SNX29: variants seen among roughly 807,000 people sequenced by gnomAD.
SNX29 encodes sorting nexin-29.
Under a neutral mutation model 102.1 loss-of-function variants are expected in SNX29, and 78 were observed. The ratio of observed to expected loss-of-function variants is 0.76; its 90% CI spans 0.64 to 0.92. The LOEUF (loss-of-function observed/expected upper bound fraction) is 0.92, where lower values mean the gene tolerates loss of function less well. SNX29 is among the 40% of genes least tolerant of loss of function. The pLI is 0.00. For missense variants in SNX29, 1,280 were observed against 1,061.7 expected (o/e 1.21, Z -2.86); for synonymous variants, 580 against 414.5 (o/e 1.40, Z -4.85).
chr16:12,554,129 G>A (rs936517366), intron 20 of SNX29, among the ~76,000 whole-genome samples: 11 of 152,182 alleles, frequency 7.2e-5, no homozygotes, highest in South Asian at 2.1e-4. Flanking sequence ...TGCCCAGCCT[G>A]GATGCTTTGC....
intron 14 of SNX29, among the ~76,000 whole-genome samples, chr16:12,272,197 G>T (rs1186310842): frequency 3.3e-5 from 5 of 152,330 alleles, no homozygotes; most frequent in African/African-American, 1.2e-4. Context: ...GAAGGTTGCT[G>T]ATTCTTCTTA....
At chr16:12,015,874 A>AT (rs557455935) in intron 3 of SNX29, among the ~76,000 whole-genome samples, 201 of 144,846 alleles carry the variant, frequency 1.4e-3, no homozygotes, top group African/African-American at 4.4e-3. Flanking sequence ...TTATTTATTT[A>AT]TTTTTTTTGG....
At chr16:12,113,448 G>C (rs1267500387) in intron 11 of SNX29, among the ~76,000 whole-genome samples, 1 of 152,136 alleles carries the variant, frequency 6.6e-6, no homozygotes, top group African/African-American at 2.4e-5. Context: ...GAGTAGGATG[G>C]TGCAGAGTTG....
Position 12,568,556 on chromosome 16 carries a change from C to T in SNX29, c.2369C>T (p.Ser790Phe), listed in dbSNP as rs1240725991. Reference protein sequence around the residue: ...EPVNSRPKAASRFPKLSRGQP... With the variant: ...EPVNSRPKAAFRFPKLSRGQP... ...GTGAACAGCCGGCCCAAAGCAGCTT[C>T]CCGCTTCCCCAAACTGTCCCGGGGT... Residue 790 changes from serine to phenylalanine, a missense_variant, in exon 21 of 21, where the codon TCC becomes TTC. Coordinates refer to ENST00000566228, the MANE Select transcript of SNX29 (RefSeq NM_032167.5). 6.2e-7 allele frequency: 1 copy of T among 1,609,426 alleles called. No homozygotes were observed. Among genetic ancestry groups the T allele is most frequent in the Non-Finnish European group, 8.5e-7 (1 of 1,179,840 alleles).
At chr16:12,499,924 G>T (rs1002415704) in intron 19 of SNX29, among the ~76,000 whole-genome samples, 1 of 152,046 alleles carries the variant, frequency 6.6e-6, no homozygotes, top group East Asian at 1.9e-4. Flanking sequence ...GGATCCACCT[G>T]CCTCAGTCTC....
chr16:12,435,590 C>G (rs1276863274), intron 18 of SNX29, among the ~76,000 whole-genome samples: 1 of 152,166 alleles, frequency 6.6e-6, no homozygotes, highest in Non-Finnish European at 1.5e-5. Context: ...TAGAAAACAC[C>G]AGAGGACGCA....
At chr16:12,152,473 G>C (rs2055342065) in intron 13 of SNX29, among the ~76,000 whole-genome samples, 1 of 152,202 alleles carries the variant, frequency 6.6e-6, no homozygotes, top group South Asian at 2.1e-4. Context: ...CCTGGGCTTT[G>C]CATTGGGGTC....
chr16:12,321,691 G>T (rs1367622361), intron 15 of SNX29, among the ~76,000 whole-genome samples: 1 of 152,210 alleles, frequency 6.6e-6, no homozygotes, highest in African/African-American at 2.4e-5. Flanking sequence ...CCTCCAACCA[G>T]CCTGTGGATA....
intron 20 of SNX29, among the ~76,000 whole-genome samples, chr16:12,551,914 T>A (rs6416654): frequency 0.59 from 90,030 of 152,034 alleles, 30,244 homozygotes; most frequent in East Asian, 0.99. Flanking sequence ...CTCTATACCC[T>A]ACCACACAGA....
At chr16:12,380,665 C>T (rs111209266) in intron 16 of SNX29, among the ~76,000 whole-genome samples, 10 of 80,386 alleles carry the variant, frequency 1.2e-4, no homozygotes, top group East Asian at 3.6e-4. Flanking sequence ...CATCCACCCA[C>T]CCACCATCCA....
At chr16:12,239,677 G>T (rs1036510195) in intron 14 of SNX29, among the ~76,000 whole-genome samples, 1 of 146,148 alleles carries the variant, frequency 6.8e-6, no homozygotes, top group Non-Finnish European at 1.5e-5. Flanking sequence ...AAATTAGTCC[G>T]GTGTGGTGAT....
intron 20 of SNX29, among the ~76,000 whole-genome samples, chr16:12,562,512 T>C (rs547704120): frequency 9.8e-5 from 15 of 152,298 alleles, no homozygotes; most frequent in African/African-American, 2.6e-4. Flanking sequence ...GCAGCCCAAG[T>C]ACACCTGCTG....
chr16:12,247,004 CAGAGAGTGAGGGGAGCA>C (rs1169205446), intron 14 of SNX29, among the ~76,000 whole-genome samples: 1 of 152,142 alleles, frequency 6.6e-6, no homozygotes, highest in Non-Finnish European at 1.5e-5. Context: ...TGCTAGAACT[CAGAGAGTGAGGGGAGCA>C]GGGCCTTGTA....
At chr16:12,337,884 C>T (rs967565310) in intron 15 of SNX29, among the ~76,000 whole-genome samples, 1 of 152,140 alleles carries the variant, frequency 6.6e-6, no homozygotes, top group East Asian at 1.9e-4. Flanking sequence ...AAGAAGAAAA[C>T]AGGTTGCAAG....
At chr16:12,535,484 T>G (rs549485265) in intron 20 of SNX29, among the ~76,000 whole-genome samples, 1 of 152,144 alleles carries the variant, frequency 6.6e-6, no homozygotes, top group East Asian at 1.9e-4. Context: ...TACTGTCCCT[T>G]TTTTCCAGAT....
chr16:12,391,441 A>G lies in SNX29; in HGVS notation c.1900-7005A>G, dbSNP rs556751416. ...CATTTTCTGTACAGAGAGTAGAAGG[A>G]TAATTCAGTCGTTCTTCCAGCATGG... is the stretch of plus-strand genomic sequence containing the variant. On this transcript the variant is annotated intron_variant, in intron 16 of 20. Coordinates refer to ENST00000566228, the MANE Select transcript of SNX29 (RefSeq NM_032167.5). Among the ~76,000 whole-genome samples, 546 of 152,344 alleles carry G rather than the reference A, an allele frequency of 3.6e-3. 2 individuals carry two copies. The highest frequency in any genetic ancestry group is 0.012 in the African/African-American group (490 of 41,580).
intron 18 of SNX29, among the ~76,000 whole-genome samples, chr16:12,467,726 C>G (rs1357037918): frequency 6.6e-6 from 1 of 152,010 alleles, no homozygotes; most frequent in Non-Finnish European, 1.5e-5. Context: ...CTGAGTGTTT[C>G]TTTTGTACTT....
chr16:12,013,838 G>C (rs1171653709), intron 3 of SNX29, among the ~76,000 whole-genome samples: 3 of 119,672 alleles, frequency 2.5e-5, no homozygotes, highest in African/African-American at 8.5e-5. Flanking sequence ...TTTTAGTAGA[G>C]ATGGGTTTCA....
At chr16:12,393,472 C>T (rs367689442) in intron 16 of SNX29, among the ~76,000 whole-genome samples, 13 of 141,406 alleles carry the variant, frequency 9.2e-5, no homozygotes, top group South Asian at 9.0e-4. Flanking sequence ...GGGTTCTTGG[C>T]CAGGCTGCAG....
Sources: allele counts gnomAD v4.1 joint callset (sites outside exome capture counted in the v4.1 genomes callset), GRCh38; gene constraint gnomAD v4.1.1; transcripts MANE v1.5; gene names NCBI Gene and HGNC (gene_info 2026-07-23, HGNC 2026-07-21).